FAM177A1: variants seen among roughly 807,000 people sequenced by gnomAD.
FAM177A1 encodes family with sequence similarity 177 member A1.
Under a neutral mutation model 26.1 loss-of-function variants are expected in FAM177A1, and 22 were observed. That is an observed-to-expected ratio of 0.84 (90% CI 0.60 to 1.20). The LOEUF is 1.20. Among genes scored for constraint, FAM177A1 ranks in the 50% most tolerant of loss-of-function variants. The pLI is 0.00. For synonymous variants in FAM177A1, 95 were observed against 99.3 expected, an observed-to-expected ratio of 0.96 and a Z score of 0.26; for missense variants, 296 against 291.1, an observed-to-expected ratio of 1.02 and a Z score of -0.12.
At chr14:35,064,066 A>G (rs914534479) in intron 2 of FAM177A1, among the ~76,000 whole-genome samples, 12 of 151,172 alleles carry the variant, frequency 7.9e-5, no homozygotes, top group Admixed American at 2.0e-4. Context: ...AAAAAAAAAA[A>G]AAATCCCTTT....
chr14:35,066,705 A>G (rs1261562199), intron 2 of FAM177A1, among the ~76,000 whole-genome samples: 1 of 151,870 alleles, frequency 6.6e-6, no homozygotes, highest in Non-Finnish European at 1.5e-5. Flanking sequence ...GCGCCTGGCC[A>G]TAAAAGAGCA....
At chr14:35,052,753 T>G (rs2044994452) in intron 1 of FAM177A1, among the ~76,000 whole-genome samples, 2 of 152,026 alleles carry the variant, frequency 1.3e-5, no homozygotes, top group Admixed American at 1.3e-4. Context: ...AGCCAGACAC[T>G]GTCCCTATAG....
chr14:35,048,569 A>G (rs1595034229), intron 1 of FAM177A1, among the ~76,000 whole-genome samples: 1 of 148,790 alleles, frequency 6.7e-6, no homozygotes, highest in Non-Finnish European at 1.5e-5. Flanking sequence ...TATATATTAT[A>G]TATATTATTA....
At chr14:35,063,297 G>C (rs940567471) in intron 2 of FAM177A1, among the ~76,000 whole-genome samples, 3 of 146,578 alleles carry the variant, frequency 2.0e-5, no homozygotes, top group Non-Finnish European at 4.5e-5. Context: ...TTGGGGCCAG[G>C]CATGGTGGCT....
chr14:35,054,256 G>C (rs549585026), intron 2 of FAM177A1, among the ~76,000 whole-genome samples: 5 of 152,230 alleles, frequency 3.3e-5, no homozygotes, highest in South Asian at 4.1e-4. Context: ...TTCAAGTTTT[G>C]ATTGGAAGAT....
intron 4 of FAM177A1, among the ~76,000 whole-genome samples, chr14:35,079,431 C>T (rs1197722792): frequency 6.6e-6 from 1 of 152,058 alleles, no homozygotes; most frequent in East Asian, 1.9e-4. Flanking sequence ...GTGTATGTGC[C>T]AGGTGTTAAT....
In FAM177A1 at chr14:35,081,741, TTTCA is replaced by T. The variant is rs1331542523; in HGVS notation, c.*516_*519del. ...CAAGATGGAAGCACTTTGAATTTTCTTTCATTGAGAATAACTGTTTTATGTAAGA... is the reference window on the plus strand; with the variant it reads ...CAAGATGGAAGCACTTTGAATTTTCTTTGAGAATAACTGTTTTATGTAAGA... On this transcript the variant is annotated 3_prime_UTR_variant, in exon 5 of 5. Transcript: ENST00000280987. 3 of 152,312 alleles carry T rather than the reference TTTCA, an allele frequency of 2.0e-5. No individual in the cohort carries two copies. Among genetic ancestry groups the T allele is most frequent in the African/African-American group, 7.2e-5 (3 of 41,466 alleles). The allele number at this position is 152,312 out of a possible 1,614,324, so 9.4% of individuals were successfully genotyped here.
intron 2 of FAM177A1, among the ~76,000 whole-genome samples, chr14:35,054,463 T>A (rs552958319): frequency 1.1e-4 from 16 of 152,288 alleles, no homozygotes; most frequent in Non-Finnish European, 2.2e-4. Context: ...TTCTAACAGG[T>A]ACTATTTTAG....
At chr14:35,068,846 T>C (rs771622073) in intron 2 of FAM177A1, among the ~76,000 whole-genome samples, 6 of 152,118 alleles carry the variant, frequency 3.9e-5, no homozygotes, top group Non-Finnish European at 8.8e-5. Flanking sequence ...TGCTGCATCA[T>C]TGAATGTAGC....
chr14:35,070,330 A>T (rs2045302469), intron 2 of FAM177A1, among the ~76,000 whole-genome samples: 1 of 146,766 alleles, frequency 6.8e-6, no homozygotes, highest in African/African-American at 2.5e-5. Context: ...GGCCTATAAC[A>T]ATATTTTTTT....
intron 3 of FAM177A1, among the ~76,000 whole-genome samples, chr14:35,077,440 A>T (rs1449536378): frequency 1.4e-5 from 2 of 138,452 alleles, no homozygotes; most frequent in African/African-American, 5.3e-5. Context: ...AAAAATGACT[A>T]TGTTAGTTTA....
At chr14:35,073,998 GT>G (rs1362342845) in intron 2 of FAM177A1, among the ~76,000 whole-genome samples, 2 of 152,082 alleles carry the variant, frequency 1.3e-5, no homozygotes, top group Non-Finnish European at 2.9e-5. Flanking sequence ...TGCTTCTCTT[GT>G]TTTGTTGACA....
Position 35,046,405 on chromosome 14 carries a change from G to A in FAM177A1, c.-59G>A, listed in dbSNP as rs2044862770. ...GCGCGGCGCGAGGCGGGCGCTGGGC[G>A]GGTGAGTCCCACTTCCCGACAGCCT... On this transcript the variant is annotated 5_prime_UTR_variant, in exon 1 of 5. Coordinates refer to ENST00000280987, the MANE Select transcript of FAM177A1 (RefSeq NM_173607.5). The A allele has an allele frequency of 7.0e-7, 1 of 1,427,658 alleles. No homozygotes were observed. The highest frequency in any genetic ancestry group is 1.4e-5 in the South Asian group (1 of 69,700). 88.4% of individuals were successfully genotyped at this position (1,427,658 alleles called of 1,614,324 possible).
chr14:35,064,999 A>AATT (rs981751451), intron 2 of FAM177A1, among the ~76,000 whole-genome samples: 7 of 152,130 alleles, frequency 4.6e-5, no homozygotes, highest in African/African-American at 1.7e-4. Context: ...TAGCTGCCTG[A>AATT]ATTGCAAATG....
chr14:35,061,168 CTG>C (rs2045148088), intron 2 of FAM177A1, among the ~76,000 whole-genome samples: 1 of 152,192 alleles, frequency 6.6e-6, no homozygotes, highest in Non-Finnish European at 1.5e-5. Flanking sequence ...AGGGGGACCA[CTG>C]TACATTTTGC....
At chr14:35,061,626 G>C (rs1322507797) in intron 2 of FAM177A1, among the ~76,000 whole-genome samples, 1 of 87,874 alleles carries the variant, frequency 1.1e-5, no homozygotes, top group African/African-American at 4.6e-5. Flanking sequence ...GGTGGGGGGA[G>C]GGGGGAGGGA....
chr14:35,061,453 G>A (rs1407045508), intron 2 of FAM177A1, among the ~76,000 whole-genome samples: 1 of 137,514 alleles, frequency 7.3e-6, no homozygotes, highest in African/African-American at 2.5e-5. Context: ...GGGGTCAGTA[G>A]CTTTAAGTAT....
intron 2 of FAM177A1, among the ~76,000 whole-genome samples, chr14:35,064,544 G>A (rs2045210183): frequency 6.6e-6 from 1 of 151,982 alleles, no homozygotes; most frequent in Non-Finnish European, 1.5e-5. Context: ...ACCTAATAAA[G>A]TTAATGAAGA....
At chr14:35,056,876 ATTCTTT>A (rs2045070097) in intron 2 of FAM177A1, among the ~76,000 whole-genome samples, 1 of 151,846 alleles carries the variant, frequency 6.6e-6, no homozygotes, top group Admixed American at 6.6e-5. Context: ...TTTCATTATG[ATTCTTT>A]TTATTTTTCA....
Sources: allele counts gnomAD v4.1 joint callset (sites outside exome capture counted in the v4.1 genomes callset), GRCh38; gene constraint gnomAD v4.1.1; transcripts MANE v1.5; gene names NCBI Gene and HGNC (gene_info 2026-07-23, HGNC 2026-07-21).